PDSS1: variants seen among roughly 807,000 people sequenced by gnomAD.
PDSS1 encodes decaprenyl diphosphate synthase subunit 1.
A neutral mutation model predicts 57.5 loss-of-function variants in PDSS1; 43 were observed. The ratio of observed to expected loss-of-function variants is 0.75; its 90% CI spans 0.59 to 0.96. The LOEUF (loss-of-function observed/expected upper bound fraction) is 0.96. Ranked by LOEUF, PDSS1 falls within the 50% of genes least tolerant of loss-of-function variation. PDSS1 has a pLI of 0.00. For synonymous variants in PDSS1, 175 were observed against 191.3 expected, an observed-to-expected ratio of 0.91 and a Z score of 0.70; for missense variants, 438 against 527.8, an observed-to-expected ratio of 0.83 and a Z score of 1.67.
chr10:26,704,579 A>C (rs1040249594), intron 2 of PDSS1, 98 bp from the exon 3 acceptor site: 1 of 726,348 alleles, frequency 1.4e-6, no homozygotes, highest in Admixed American at 2.0e-5. Context: ...TAAATGGGTG[A>C]TTAGAAGATA....
At chr10:26,708,946 C>T (rs1470876365) in intron 4 of PDSS1, among the ~76,000 whole-genome samples, 1 of 152,224 alleles carries the variant, frequency 6.6e-6, no homozygotes, top group Non-Finnish European at 1.5e-5. Flanking sequence ...CTTTCTCTTC[C>T]CGCCTCCATC....
chr10:26,706,318 T>C (rs1381923226), intron 4 of PDSS1, among the ~76,000 whole-genome samples: 3 of 152,166 alleles, frequency 2.0e-5, no homozygotes, highest in Non-Finnish European at 4.4e-5. Context: ...CCTATAATCC[T>C]AGCACTTTGA....
intron 1 of PDSS1, 59 bp downstream of exon 1, chr10:26,697,899 G>C: frequency 8.1e-7 from 1 of 1,236,852 alleles, no homozygotes; most frequent in Non-Finnish European, 1.0e-6. Context: ...AATGACAGCA[G>C]TGGGCGGAAT....
Position 26,721,423 on chromosome 10 carries a change from T to TATACACACACACACAC in PDSS1, c.609+1065_609+1066insTACACACACACACACA, listed in dbSNP as rs10645608. ...CTTATTAAAAGAAGAGATATATGTA[T>TATACACACACACACAC]ACACACACACACACACACACACACA... On this transcript the variant is annotated intron_variant, in intron 6 of 11. Coordinates refer to ENST00000376215, the MANE Select transcript of PDSS1 (RefSeq NM_014317.5). Among the ~76,000 whole-genome samples, 1,249 of 149,346 alleles carry TATACACACACACACAC rather than the reference T, an allele frequency of 8.4e-3. 8 individuals carry two copies. Among genetic ancestry groups the TATACACACACACACAC allele is most frequent in the East Asian group, 0.027 (140 of 5,094 alleles).
intron 8 of PDSS1, among the ~76,000 whole-genome samples, chr10:26,732,742 G>A (rs1049945691): frequency 1.3e-5 from 2 of 152,214 alleles, no homozygotes; most frequent in East Asian, 1.9e-4. Context: ...ATCCATATTT[G>A]TGGGATATTG....
chr10:26,742,188 G>A (rs1253350150), intron 10 of PDSS1, among the ~76,000 whole-genome samples: 1 of 151,430 alleles, frequency 6.6e-6, no homozygotes, highest in Non-Finnish European at 1.5e-5. Flanking sequence ...GAACCATGTT[G>A]TTTTAAAGAT....
At position 26,710,891 on chromosome 10, in the gene PDSS1, C is replaced by T. The variant is rs1284542277; in HGVS notation, c.467+1123C>T. Among the ~76,000 whole-genome samples, 56 of 99,452 alleles carry T rather than the reference C, an allele frequency of 5.6e-4. 16 individuals are homozygous for T. The highest frequency in any genetic ancestry group is 2.3e-4 in the Non-Finnish European group (10 of 42,666). The allele number at this position is 99,452 out of a possible 152,430, so 65.2% of individuals were successfully genotyped here. A position where few individuals can be genotyped will look rare whatever the true frequency, so the allele number is the denominator to read the frequency against. ...TCTAGGGTGTGCAGGTAGAATGGCC[C>T]TTCATCTATCAGTCCCTGGATGTGG... On this transcript the variant is annotated intron_variant, in intron 5 of 11. Transcript: ENST00000376215.
intron 5 of PDSS1, among the ~76,000 whole-genome samples, chr10:26,717,310 C>A (rs1022078105): frequency 5.9e-5 from 9 of 152,174 alleles, no homozygotes; most frequent in African/African-American, 2.2e-4. Flanking sequence ...CAGCTCACTG[C>A]AACCTCCACC....
rs997194006 is a variant in PDSS1, at chr10:26,712,568, C to T, written c.467+2800C>T. 1.4e-4 allele frequency among the ~76,000 whole-genome samples: 14 copies of T among 98,784 alleles called. 4 individuals carry two copies. Among genetic ancestry groups the T allele is most frequent in the African/African-American group, 4.6e-4 (14 of 30,346 alleles). 64.8% of individuals were successfully genotyped at this position (98,784 alleles called of 152,430 possible). On this transcript the variant is annotated intron_variant, in intron 5 of 11. Transcript: ENST00000376215. ...GTGGTACAGTACCCTAGCAATTCTG[C>T]TCTCCAAGCCCCAACTTCCTGACAA...
intron 4 of PDSS1, among the ~76,000 whole-genome samples, chr10:26,709,287 C>T (rs972247618): frequency 1.8e-4 from 27 of 152,172 alleles, no homozygotes; most frequent in Admixed American, 1.2e-3. Context: ...TGGCCAGGCA[C>T]GGTGGCTCAC....
At chr10:26,721,418 A>C (rs2132262404) in intron 6 of PDSS1, among the ~76,000 whole-genome samples, 1 of 96,296 alleles carries the variant, frequency 1.0e-5, no homozygotes, top group African/African-American at 4.4e-5. Flanking sequence ...GAAGAGATAT[A>C]TGTATACACA....
chr10:26,699,217 A>G (rs1834968213), intron 1 of PDSS1, among the ~76,000 whole-genome samples: 2 of 151,980 alleles, frequency 1.3e-5, no homozygotes, highest in South Asian at 2.1e-4. Context: ...AGAACAGAAT[A>G]TGGGGGGTGA....
intron 4 of PDSS1, among the ~76,000 whole-genome samples, chr10:26,706,291 G>A (rs552567228): frequency 6.6e-6 from 1 of 152,198 alleles, no homozygotes; most frequent in Non-Finnish European, 1.5e-5. Flanking sequence ...AAAATTGGCT[G>A]GGCACGGTGG....
chr10:26,727,485 C>CTT (rs569539570), intron 8 of PDSS1, among the ~76,000 whole-genome samples: 24 of 142,530 alleles, frequency 1.7e-4, no homozygotes, highest in Admixed American at 4.9e-4. Flanking sequence ...GCAGAACACT[C>CTT]TTTTTTTTTT....
Position 26,730,916 on chromosome 10 carries a change from C to T in PDSS1, c.832-4324C>T, listed in dbSNP as rs149034993. On this transcript the variant is annotated intron_variant, in intron 8 of 11. Coordinates refer to ENST00000376215, the MANE Select transcript of PDSS1 (RefSeq NM_014317.5). Reference sequence around the variant, plus strand: ...TTCCACATTGGTTTGTAGGATCTTCCTCATTTTTAAAACCACTGTATCAGG... The same window carrying T: ...TTCCACATTGGTTTGTAGGATCTTCTTCATTTTTAAAACCACTGTATCAGG... Among the ~76,000 whole-genome samples the T allele has an allele frequency of 2.8e-3, 425 of 152,188 alleles. 4 individuals are homozygous for T. The highest frequency in any genetic ancestry group is 9.8e-3 in the African/African-American group (409 of 41,524).
chr10:26,743,896 A>AG (rs1424794556), intron 11 of PDSS1, among the ~76,000 whole-genome samples: 7 of 150,882 alleles, frequency 4.6e-5, no homozygotes, highest in African/African-American at 1.7e-4. Context: ...CCAAAATAAC[A>AG]GGGGGAAAAA....
intron 8 of PDSS1, among the ~76,000 whole-genome samples, chr10:26,733,350 A>G (rs1836281018): frequency 6.6e-6 from 1 of 151,940 alleles, no homozygotes; most frequent in African/African-American, 2.4e-5. Context: ...TGTCCCCCAT[A>G]TGGTCTCCCA....
intron 5 of PDSS1, 60 bp downstream of exon 5, chr10:26,709,828 GTTAC>G: frequency 6.5e-7 from 1 of 1,530,240 alleles, no homozygotes; most frequent in Non-Finnish European, 9.1e-7. Flanking sequence ...TCTTCCCGGG[GTTAC>G]TTACTGTTTC....
At chr10:26,742,792 G>C (rs1418607587) in intron 11 of PDSS1, among the ~76,000 whole-genome samples, 1 of 150,960 alleles carries the variant, frequency 6.6e-6, no homozygotes, top group Non-Finnish European at 1.5e-5. Flanking sequence ...TGTTTTAACT[G>C]GTCTTAGGTA....
Sources: gnomAD v4.1 joint callset for allele counts (sites outside exome capture counted in the v4.1 genomes callset) on GRCh38, gnomAD v4.1.1 for gene constraint, MANE v1.5 for transcripts, NCBI Gene and HGNC (gene_info 2026-07-23, HGNC 2026-07-21) for gene names.